Variants in ZDHHC14 observed in about 807,000 individuals in gnomAD.
The protein encoded by ZDHHC14 is zDHHC palmitoyltransferase 14.
ZDHHC14 carries 16 observed loss-of-function variants against 47.7 expected under a neutral mutation model. The ratio of observed to expected loss-of-function variants is 0.34; its 90% CI spans 0.23 to 0.51. The LOEUF is 0.51. ZDHHC14 is among the 20% of genes least tolerant of loss of function. The pLI is 0.97. For missense variants in ZDHHC14, 515 were observed against 662.5 expected, an observed-to-expected ratio of 0.78 and a Z score of 2.44; for synonymous variants, 293 against 278.9, an observed-to-expected ratio of 1.05 and a Z score of -0.50.
chr6:157,585,018 A>T (rs1783637508), intron 2 of ZDHHC14, among the ~76,000 whole-genome samples: 1 of 152,160 alleles, frequency 6.6e-6, no homozygotes, highest in African/African-American at 2.4e-5. Flanking sequence ...CAGCCTGGCC[A>T]ACATGGCAAA....
Position 157,672,733 on chromosome 6 carries a change from G to T in ZDHHC14, c.1078G>T (p.Asp360Tyr), listed in dbSNP as rs759700177. Reference sequence around the variant, plus strand: ...GCCTCCCGCTCTCCAGTGCGACCAAGACCAGTGCATTCAGAGCACCAAATT... The same window carrying T: ...GCCTCCCGCTCTCCAGTGCGACCAATACCAGTGCATTCAGAGCACCAAATT... ...TQSQSDMCDQ[D>Y]QCIQSTKFVL... The change falls in exon 9 of 9, where the codon GAC becomes TAC. Residue 360 changes from aspartate (D) to tyrosine (Y), a missense_variant. By Grantham distance (160) the Asp-to-Tyr change is radical. Coordinates refer to ENST00000359775, the MANE Select transcript of ZDHHC14 (RefSeq NM_024630.3). 1 of 1,485,038 alleles carries T rather than the reference G, an allele frequency of 6.7e-7. No individual in the cohort carries two copies. The highest frequency in any genetic ancestry group is 9.1e-7 in the Non-Finnish European group (1 of 1,098,868). The allele number at this position is 1,485,038 out of a possible 1,614,324, so 92.0% of individuals were successfully genotyped here.
intron 8 of ZDHHC14, among the ~76,000 whole-genome samples, chr6:157,667,433 A>G (rs1778600701): frequency 1.3e-5 from 2 of 152,156 alleles, no homozygotes; most frequent in Admixed American, 1.3e-4. Context: ...GGTTCAAAGT[A>G]AAAAAGAGAG....
At chr6:157,450,516 TAAA>T (rs35262370) in intron 1 of ZDHHC14, among the ~76,000 whole-genome samples, 1 of 137,692 alleles carries the variant, frequency 7.3e-6, no homozygotes, top group Non-Finnish European at 1.5e-5. Flanking sequence ...GACTCCGTCT[TAAA>T]AAAAAAAAAA....
At chr6:157,474,165 A>G (rs948550968) in intron 1 of ZDHHC14, among the ~76,000 whole-genome samples, 34 of 151,644 alleles carry the variant, frequency 2.2e-4, no homozygotes, top group African/African-American at 6.8e-4. Context: ...ATTTTTTTGT[A>G]TTTTTAGTAG....
chr6:157,441,821 G>C (rs1021428970), intron 1 of ZDHHC14, among the ~76,000 whole-genome samples: 2 of 152,170 alleles, frequency 1.3e-5, no homozygotes, highest in African/African-American at 4.8e-5. Flanking sequence ...CTGGGCAACA[G>C]AGTGAGACTC....
At chr6:157,460,654 C>G (rs1198292711) in intron 1 of ZDHHC14, among the ~76,000 whole-genome samples, 1 of 152,174 alleles carries the variant, frequency 6.6e-6, no homozygotes, top group African/African-American at 2.4e-5. Context: ...TGTAGGAAAG[C>G]TTCTCAGAAG....
chr6:157,559,396 A>G (rs1782618648), intron 2 of ZDHHC14, among the ~76,000 whole-genome samples: 1 of 152,214 alleles, frequency 6.6e-6, no homozygotes, highest in African/African-American at 2.4e-5. Context: ...AAGTGCAGCA[A>G]AAATTCACTC....
chr6:157,616,360 G>T (rs1784962190), intron 3 of ZDHHC14, among the ~76,000 whole-genome samples: 1 of 152,234 alleles, frequency 6.6e-6, no homozygotes, highest in Non-Finnish European at 1.5e-5. Context: ...AGAAGAGGCA[G>T]CTTGTGAGGA....
At chr6:157,471,108 C>G (rs1325624501) in intron 1 of ZDHHC14, among the ~76,000 whole-genome samples, 1 of 152,238 alleles carries the variant, frequency 6.6e-6, no homozygotes, top group Non-Finnish European at 1.5e-5. Context: ...CTTCCAGCCC[C>G]TGACACAGAG....
intron 7 of ZDHHC14, among the ~76,000 whole-genome samples, chr6:157,648,994 G>A (rs1231086078): frequency 3.3e-5 from 5 of 152,242 alleles, no homozygotes; most frequent in South Asian, 2.1e-4. Context: ...CATATGGCAC[G>A]GCTTTATGTT....
chr6:157,632,988 G>A (rs917614435), intron 5 of ZDHHC14, 106 bp downstream of exon 5: 2 of 1,222,668 alleles, frequency 1.6e-6, no homozygotes, highest in African/African-American at 3.0e-5. Context: ...TGCTTCTCAT[G>A]TATCTTATTC....
intron 1 of ZDHHC14, among the ~76,000 whole-genome samples, chr6:157,519,980 A>G (rs979720023): frequency 6.6e-6 from 1 of 152,194 alleles, no homozygotes; most frequent in Non-Finnish European, 1.5e-5. Flanking sequence ...GAGCCTGGGA[A>G]TGTCACTCAG....
intron 1 of ZDHHC14, among the ~76,000 whole-genome samples, chr6:157,452,772 G>A (rs1034594969): frequency 3.8e-5 from 5 of 132,480 alleles, no homozygotes; most frequent in Admixed American, 9.3e-5. Context: ...GTGCGATCTC[G>A]GCTCACTGCA....
chr6:157,423,016 A>T (rs1778141581), intron 1 of ZDHHC14, among the ~76,000 whole-genome samples: 1 of 152,224 alleles, frequency 6.6e-6, no homozygotes. Context: ...TTCAGTCGAT[A>T]AGGAAAATGT....
At chr6:157,563,544 G>A (rs1195852176) in intron 2 of ZDHHC14, among the ~76,000 whole-genome samples, 2 of 152,198 alleles carry the variant, frequency 1.3e-5, no homozygotes, top group South Asian at 2.1e-4. Flanking sequence ...CCCATGGCAA[G>A]CACTTGCCAG....
At chr6:157,431,623 G>T (rs1778340038) in intron 1 of ZDHHC14, among the ~76,000 whole-genome samples, 1 of 151,976 alleles carries the variant, frequency 6.6e-6, no homozygotes, top group African/African-American at 2.4e-5. Context: ...GGCTATCCAG[G>T]ACTACTCACC....
At chr6:157,503,020 T>C (rs908417184) in intron 1 of ZDHHC14, among the ~76,000 whole-genome samples, 2 of 152,218 alleles carry the variant, frequency 1.3e-5, no homozygotes. Flanking sequence ...ACAACTTGTA[T>C]CAGGATGCTC....
intron 1 of ZDHHC14, among the ~76,000 whole-genome samples, chr6:157,447,101 T>C (rs9406296): frequency 0.16 from 24,816 of 151,478 alleles, 2,404 homozygotes; most frequent in Middle Eastern, 0.26. Context: ...CCGGATGATG[T>C]GATGAGATTC....
chr6:157,501,768 A>T (rs1780198136), intron 1 of ZDHHC14, among the ~76,000 whole-genome samples: 1 of 152,218 alleles, frequency 6.6e-6, no homozygotes, highest in Admixed American at 6.5e-5. Context: ...GGTTAGTTTT[A>T]TGTTGAATCT....
Sources: gnomAD v4.1 joint callset for allele counts (sites outside exome capture counted in the v4.1 genomes callset) on GRCh38, gnomAD v4.1.1 for gene constraint, MANE v1.5 for transcripts, NCBI Gene and HGNC (gene_info 2026-07-23, HGNC 2026-07-21) for gene names.